PTPRG: variants seen among roughly 807,000 people sequenced by gnomAD.
PTPRG encodes protein tyrosine phosphatase receptor type G.
PTPRG carries 102 observed loss-of-function variants against 165.3 expected under a neutral mutation model. That is an observed-to-expected ratio of 0.62 (90% CI 0.53 to 0.73). The LOEUF (loss-of-function observed/expected upper bound fraction) is 0.73. PTPRG is among the 30% of genes least tolerant of loss of function. The probability of loss-of-function intolerance (pLI) is 0.00; values close to 1 mark genes in which losing one functional copy is unlikely to be tolerated. For missense variants in PTPRG, 1,866 were observed against 1,861.4 expected, an observed-to-expected ratio of 1.00 and a Z score of -0.05; for synonymous variants, 675 against 669.5, an observed-to-expected ratio of 1.01 and a Z score of -0.13.
chr3:61,826,397 C>G (rs2036113279), intron 2 of PTPRG, among the ~76,000 whole-genome samples: 1 of 152,088 alleles, frequency 6.6e-6, no homozygotes, highest in African/African-American at 2.4e-5. Context: ...GTTGATTAAT[C>G]CAGTTCACTG....
intron 1 of PTPRG, among the ~76,000 whole-genome samples, chr3:61,581,757 G>A (rs563754602): frequency 6.6e-6 from 1 of 151,602 alleles, no homozygotes; most frequent in East Asian, 1.9e-4. Context: ...TTAGAGGCAC[G>A]CGCCACCACG....
chr3:61,634,496 G>A (rs949293405), intron 1 of PTPRG, among the ~76,000 whole-genome samples: 4 of 151,500 alleles, frequency 2.6e-5, no homozygotes, highest in African/African-American at 9.7e-5. Context: ...TTTGACCTCC[G>A]AAAGTGTTGG....
At chr3:61,889,163 G>T (rs1367724683) in intron 2 of PTPRG, among the ~76,000 whole-genome samples, 7 of 152,038 alleles carry the variant, frequency 4.6e-5, no homozygotes, top group Admixed American at 4.6e-4. Context: ...TTTGATAATT[G>T]TTGCTATTAC....
intron 2 of PTPRG, chr3:61,770,778 A>G (rs376129873): frequency 6.6e-6 from 1 of 152,196 alleles, no homozygotes; most frequent in Non-Finnish European, 1.5e-5. Flanking sequence ...TTTTAATACA[A>G]TTAAAAGTTG....
chr3:61,977,516 A>G (rs1334896080), intron 2 of PTPRG, among the ~76,000 whole-genome samples: 8 of 152,076 alleles, frequency 5.3e-5, no homozygotes, highest in Non-Finnish European at 1.2e-4. Flanking sequence ...TTGTGTATAT[A>G]CCGTTACTGG....
intron 2 of PTPRG, among the ~76,000 whole-genome samples, chr3:61,972,566 G>C (rs557542662): frequency 6.6e-6 from 1 of 151,986 alleles, no homozygotes. Flanking sequence ...ATGGGACCCT[G>C]AGTGTTAGTA....
chr3:62,139,185 C>G (rs183947816), intron 6 of PTPRG, among the ~76,000 whole-genome samples: 333 of 152,120 alleles, frequency 2.2e-3, no homozygotes, highest in Middle Eastern at 6.8e-3. Flanking sequence ...CCACAGACAG[C>G]TGGGTACAGT....
intron 2 of PTPRG, among the ~76,000 whole-genome samples, chr3:61,768,554 TGAG>T (rs1307153057): frequency 6.6e-6 from 1 of 152,158 alleles, no homozygotes; most frequent in African/African-American, 2.4e-5. Flanking sequence ...GAACATTAGT[TGAG>T]GAGGCTGTTC....
At chr3:61,875,363 T>G (rs931019201) in intron 2 of PTPRG, among the ~76,000 whole-genome samples, 5 of 147,952 alleles carry the variant, frequency 3.4e-5, no homozygotes, top group African/African-American at 1.3e-4. Flanking sequence ...TGATTCCATC[T>G]GCAAGGCAAA....
At chr3:61,797,394 A>G (rs1269444080) in intron 2 of PTPRG, among the ~76,000 whole-genome samples, 1 of 152,168 alleles carries the variant, frequency 6.6e-6, no homozygotes, top group Non-Finnish European at 1.5e-5. Flanking sequence ...AAATAAGGTA[A>G]TTATGGGAGC....
chr3:61,976,156 AT>A (rs2040499795), intron 2 of PTPRG, among the ~76,000 whole-genome samples: 1 of 152,212 alleles, frequency 6.6e-6, no homozygotes, highest in Non-Finnish European at 1.5e-5. Context: ...ATCTCTTGAT[AT>A]TCTCAGAGTT....
In PTPRG at chr3:62,228,364, C is replaced by A. The variant is rs1043384917; in HGVS notation, c.2289-2861C>A. ...GGTGAAACCCCGTCTACTAAAAATACAAAAACAATTAGCCGGATGTGGTGG... is the reference window on the plus strand; with the variant it reads ...GGTGAAACCCCGTCTACTAAAAATAAAAAAACAATTAGCCGGATGTGGTGG... On this transcript the variant is annotated intron_variant, in intron 13 of 29. Coordinates refer to ENST00000474889, the MANE Select transcript of PTPRG (RefSeq NM_002841.4). The surrounding 1 kb of genome is among the most constrained non-coding windows in gnomAD (Gnocchi z 4.1). Among the ~76,000 whole-genome samples the A allele has an allele frequency of 1.3e-5, 2 of 151,824 alleles. No individual in the cohort carries two copies. The highest frequency in any genetic ancestry group is 3.9e-4 in the East Asian group (2 of 5,174).
intron 2 of PTPRG, among the ~76,000 whole-genome samples, chr3:61,971,816 A>T (rs1021874168): frequency 6.6e-6 from 1 of 152,266 alleles, no homozygotes; most frequent in African/African-American, 2.4e-5. Flanking sequence ...TATAAATTAT[A>T]CCTCAATAGA....
intron 2 of PTPRG, among the ~76,000 whole-genome samples, chr3:61,839,364 A>T (rs1194776456): frequency 6.6e-6 from 1 of 152,216 alleles, no homozygotes; most frequent in Non-Finnish European, 1.5e-5. Flanking sequence ...CTATTCTATG[A>T]TACTGTTCTG....
chr3:61,719,517 G>A (rs1476573663), intron 1 of PTPRG, among the ~76,000 whole-genome samples: 2 of 152,144 alleles, frequency 1.3e-5, no homozygotes, highest in African/African-American at 4.8e-5. Context: ...TACAGCCTTC[G>A]GTGGTGTCTT....
chr3:61,629,023 T>C (rs1402565411), intron 1 of PTPRG, among the ~76,000 whole-genome samples: 4 of 152,164 alleles, frequency 2.6e-5, no homozygotes, highest in East Asian at 1.9e-4. Context: ...ATTTTCACCA[T>C]GATGTTGCTT....
chr3:62,191,674 T>C (rs1559627929), intron 9 of PTPRG, 21 bp downstream of exon 9: 1 of 1,609,214 alleles, frequency 6.2e-7, no homozygotes, highest in African/African-American at 1.3e-5. Context: ...CCTCCTCTGA[T>C]TCAGGGTACA....
intron 2 of PTPRG, among the ~76,000 whole-genome samples, chr3:61,920,913 T>A (rs2039062053): frequency 1.3e-5 from 2 of 152,226 alleles, no homozygotes; most frequent in Admixed American, 6.5e-5. Context: ...GTTGATGGTA[T>A]CTTAGATTTG....
intron 5 of PTPRG, among the ~76,000 whole-genome samples, chr3:62,088,672 C>T (rs1162726563): frequency 2.0e-5 from 3 of 152,192 alleles, no homozygotes; most frequent in African/African-American, 7.2e-5. Context: ...GAAAAGTAAA[C>T]AGAGGTAAGA....
Sources: allele counts gnomAD v4.1 joint callset (sites outside exome capture counted in the v4.1 genomes callset), GRCh38; gene constraint gnomAD v4.1.1; non-coding constraint Gnocchi (gnomAD v3.1); transcripts MANE v1.5; gene names NCBI Gene and HGNC (gene_info 2026-07-23, HGNC 2026-07-21).